Variants in DPP10 observed in about 807,000 individuals in gnomAD.
DPP10 encodes the protein inactive dipeptidyl peptidase 10.
Under a neutral mutation model 120.9 loss-of-function variants are expected in DPP10, and 33 were observed. The ratio of observed to expected loss-of-function variants is 0.27; its 90% CI spans 0.21 to 0.37. The LOEUF (loss-of-function observed/expected upper bound fraction) is 0.37. DPP10 is among the 10% of genes least tolerant of loss of function. The probability of loss-of-function intolerance (pLI) is 1.00; values close to 1 mark genes in which losing one functional copy is unlikely to be tolerated. For synonymous variants in DPP10, 337 were observed against 326.1 expected, an observed-to-expected ratio of 1.03 and a Z score of -0.36; for missense variants, 816 against 942.8, an observed-to-expected ratio of 0.87 and a Z score of 1.76.
chr2:115,019,439 C>A (rs1702907777), intron 1 of DPP10, among the ~76,000 whole-genome samples: 1 of 151,632 alleles, frequency 6.6e-6, no homozygotes, highest in East Asian at 1.9e-4. Flanking sequence ...CAAAGACAAG[C>A]CTTTTGAATT....
chr2:115,528,874 C>CTT (rs113856069), intron 5 of DPP10, among the ~76,000 whole-genome samples: 1 of 151,744 alleles, frequency 6.6e-6, no homozygotes, highest in African/African-American at 2.4e-5. Flanking sequence ...ATGAGAGCAG[C>CTT]TTTTTTTGTT....
At chr2:115,064,416 C>T (rs1706671886) in intron 1 of DPP10, among the ~76,000 whole-genome samples, 1 of 152,112 alleles carries the variant, frequency 6.6e-6, no homozygotes, top group Admixed American at 6.6e-5. Context: ...GATGTTTGAC[C>T]TTCAGGATCT....
intron 17 of DPP10, 70 bp downstream of exon 17, chr2:115,782,469 C>T: frequency 1.4e-6 from 2 of 1,393,630 alleles, no homozygotes; most frequent in Admixed American, 1.7e-5. Flanking sequence ...GTTATCTATT[C>T]TGAGTCATAT....
intron 1 of DPP10, among the ~76,000 whole-genome samples, chr2:114,887,943 T>C (rs1359230119): frequency 6.6e-6 from 1 of 151,976 alleles, no homozygotes; most frequent in Non-Finnish European, 1.5e-5. Flanking sequence ...ATCGAGACCA[T>C]CCTGGCTAAC....
intron 1 of DPP10, among the ~76,000 whole-genome samples, chr2:114,814,000 A>G (rs11886858): frequency 0.021 from 3,210 of 151,036 alleles, 109 homozygotes; most frequent in African/African-American, 0.069. Context: ...CGAGCTGGCC[A>G]TTAGCTCAAT....
At chr2:115,168,517 C>G (rs914852108) in intron 1 of DPP10, among the ~76,000 whole-genome samples, 1 of 152,168 alleles carries the variant, frequency 6.6e-6, no homozygotes, top group African/African-American at 2.4e-5. Context: ...ATTGATTATT[C>G]CCAGCATACT....
In DPP10 at chr2:114,510,100, T is replaced by C. The variant is rs1573527572; in HGVS notation, c.60+67262T>C. Among the ~76,000 whole-genome samples, 3 of 152,190 alleles carry C rather than the reference T, an allele frequency of 2.0e-5. No homozygotes were observed. The South Asian group carries it at 6.2e-4, about 32-fold the overall frequency. On this transcript the variant is annotated intron_variant, in intron 1 of 25. Transcript: ENST00000410059. ...GAATATGAAAAGACTCCAGGAGTTA[T>C]AAGAGAGAACTCAGAAGTTACAGTG...
chr2:114,732,048 A>G (rs1450547460), intron 1 of DPP10, among the ~76,000 whole-genome samples: 2 of 152,212 alleles, frequency 1.3e-5, no homozygotes, highest in African/African-American at 4.8e-5. Flanking sequence ...GGGAGGAGGA[A>G]GACAGCTGGA....
chr2:114,970,836 G>A (rs922747023), intron 1 of DPP10, among the ~76,000 whole-genome samples: 2 of 152,244 alleles, frequency 1.3e-5, no homozygotes, highest in South Asian at 4.1e-4. Context: ...AGACAGGCAA[G>A]TAATGGATGA....
chr2:115,800,004 C>T (rs1176103228), intron 19 of DPP10, among the ~76,000 whole-genome samples: 11 of 151,542 alleles, frequency 7.3e-5, no homozygotes, highest in African/African-American at 2.2e-4. Context: ...CCTGAGGAAT[C>T]GCCACACCGA....
chr2:115,793,907 C>T (rs555534022), intron 19 of DPP10, among the ~76,000 whole-genome samples: 1 of 151,904 alleles, frequency 6.6e-6, no homozygotes, highest in South Asian at 2.1e-4. Context: ...TTTTAAATTG[C>T]ATGATTATTT....
chr2:115,362,766 G>A (rs1471291936), intron 3 of DPP10, among the ~76,000 whole-genome samples: 1 of 152,300 alleles, frequency 6.6e-6, no homozygotes, highest in East Asian at 1.9e-4. Flanking sequence ...GAAACCAGTT[G>A]ATACATTGTT....
chr2:114,737,502 T>C (rs1159739644), intron 1 of DPP10, among the ~76,000 whole-genome samples: 2 of 152,170 alleles, frequency 1.3e-5, no homozygotes, highest in Admixed American at 6.5e-5. Context: ...TAAAGAAAGC[T>C]TGATGGAAAG....
At chr2:115,357,539 A>G (rs1354256792) in intron 3 of DPP10, among the ~76,000 whole-genome samples, 1 of 152,082 alleles carries the variant, frequency 6.6e-6, no homozygotes, top group Admixed American at 6.6e-5. Context: ...GGATGCTTTC[A>G]TGGGCTGGTG....
At chr2:114,446,155 T>G (rs1444643894) in intron 1 of DPP10, among the ~76,000 whole-genome samples, 1 of 152,180 alleles carries the variant, frequency 6.6e-6, no homozygotes, top group African/African-American at 2.4e-5. Flanking sequence ...GGTAGCAAAC[T>G]TGAGTTTTTC....
At chr2:115,734,307 G>C (rs2092979829) in intron 8 of DPP10, among the ~76,000 whole-genome samples, 2 of 152,044 alleles carry the variant, frequency 1.3e-5, no homozygotes, top group African/African-American at 2.4e-5. Context: ...TAGAAATCTA[G>C]AGTATTGATT....
chr2:115,606,446 A>G (rs2083711826), intron 5 of DPP10, among the ~76,000 whole-genome samples: 1 of 152,198 alleles, frequency 6.6e-6, no homozygotes, highest in African/African-American at 2.4e-5. Flanking sequence ...TGTCCACTTC[A>G]TCCTGTGTAA....
At chr2:115,102,353 G>T (rs1002883377) in intron 1 of DPP10, among the ~76,000 whole-genome samples, 1 of 152,118 alleles carries the variant, frequency 6.6e-6, no homozygotes, top group African/African-American at 2.4e-5. Context: ...ATATGAATTT[G>T]GGGGAACATT....
At chr2:115,673,306 A>G (rs922350245) in intron 5 of DPP10, among the ~76,000 whole-genome samples, 2 of 152,242 alleles carry the variant, frequency 1.3e-5, no homozygotes, top group Admixed American at 1.3e-4. Context: ...CTTTCTTTCT[A>G]ATAGTTACCA....
Sources: allele counts gnomAD v4.1 joint callset (sites outside exome capture counted in the v4.1 genomes callset), GRCh38; gene constraint gnomAD v4.1.1; transcripts MANE v1.5; gene names NCBI Gene and HGNC (gene_info 2026-07-23, HGNC 2026-07-21).